C12orf54: variants seen among roughly 807,000 people sequenced by gnomAD.
C12orf54 encodes chromosome 12 open reading frame 54, also known as uncharacterized protein C12orf54.
In C12orf54, 24 loss-of-function variants were observed where a neutral mutation model predicts 26.4. That is an observed-to-expected ratio of 0.91 (90% CI 0.66 to 1.28). The LOEUF (loss-of-function observed/expected upper bound fraction) is 1.28. Among genes scored for constraint, C12orf54 ranks in the 50% most tolerant of loss-of-function variants. The pLI is 0.00. For missense variants in C12orf54, 154 were observed against 150.9 expected (o/e 1.02, Z -0.11); for synonymous variants, 54 against 47.0 (o/e 1.15, Z -0.61).
At chr12:48,448,446 T>A in the C12orf54 span, among the ~76,000 whole-genome samples, 1 of 152,242 alleles carries the variant, frequency 6.6e-6, no homozygotes, top group Non-Finnish European at 1.5e-5. Context: ...GTAAAAATAA[T>A]TCATTCATTT....
chr12:48,472,456 C>T, the C12orf54 span, among the ~76,000 whole-genome samples: 1 of 152,262 alleles, frequency 6.6e-6, no homozygotes, highest in East Asian at 1.9e-4. Flanking sequence ...AGGAAGTAGT[C>T]ATTATTCTAA....
Position 48,494,994 on chromosome 12 carries a change from C to A in C12orf54, c.*40+15C>A. 1.3e-6 allele frequency: 2 copies of A among 1,571,036 alleles called. No individual in the cohort carries two copies. Among genetic ancestry groups the A allele is most frequent in the Non-Finnish European group, 8.7e-7 (1 of 1,146,374 alleles). ...GCTTCCGCCAGGTGCTTTACCCAAG[C>A]AGCCTTTCCCCTGAGCTCCACCCTG... On this transcript the variant is annotated intron_variant, in intron 8 of 8. Coordinates refer to ENST00000548364, the MANE Select transcript of C12orf54 (RefSeq NM_152319.4).
the C12orf54 span, among the ~76,000 whole-genome samples, chr12:48,468,402 G>A: frequency 5.3e-5 from 8 of 152,150 alleles, no homozygotes; most frequent in Non-Finnish European, 1.0e-4. Flanking sequence ...GGACATGGAA[G>A]GACTGTGTGC....
At chr12:48,451,602 A>T in the C12orf54 span, among the ~76,000 whole-genome samples, 1 of 152,214 alleles carries the variant, frequency 6.6e-6, no homozygotes, top group Non-Finnish European at 1.5e-5. Context: ...CAATCATCTC[A>T]GCCCAAAAGC....
At chr12:48,437,723 C>T in the C12orf54 span, among the ~76,000 whole-genome samples, 1 of 152,140 alleles carries the variant, frequency 6.6e-6, no homozygotes, top group Non-Finnish European at 1.5e-5. Flanking sequence ...TAAAAACTCT[C>T]AATAAATTAG....
At chr12:48,442,984 T>C in the C12orf54 span, 1 of 152,296 alleles carries the variant, frequency 6.6e-6, no homozygotes. Context: ...GATAAATAAA[T>C]TGAGTGAAGC....
At position 48,486,733 on chromosome 12, in the gene C12orf54, A is replaced by T; in HGVS notation, c.135+7A>T. The T allele has an allele frequency of 6.2e-7, 1 of 1,611,860 alleles. No homozygotes were observed. Among genetic ancestry groups the T allele is most frequent in the Non-Finnish European group, 8.5e-7 (1 of 1,177,992 alleles). On this transcript the variant is annotated splice_region_variant and intron_variant, in intron 4 of 8. Transcript: ENST00000548364. The stretch of plus-strand genomic sequence containing the variant: ...TGAAACCCTGTGGGACCAGGTGAGT[A>T]CAGAGGAATCATTTTTGACAGCATG...
At chr12:48,484,947 G>T (rs1387530789) in intron 2 of C12orf54, among the ~76,000 whole-genome samples, 1 of 152,210 alleles carries the variant, frequency 6.6e-6, no homozygotes, top group Non-Finnish European at 1.5e-5. Flanking sequence ...GTTCTATGGA[G>T]AAATAGCACT....
the C12orf54 span, among the ~76,000 whole-genome samples, chr12:48,414,366 C>T: frequency 1.3e-5 from 2 of 152,194 alleles, no homozygotes; most frequent in African/African-American, 4.8e-5. Context: ...CGCAGTTCTC[C>T]GGAAAATCTG....
intron 4 of C12orf54, chr12:48,488,280 C>T (rs1263325607): frequency 6.9e-6 from 4 of 581,162 alleles, no homozygotes; most frequent in Non-Finnish European, 9.7e-6. Context: ...GGAGGATTAG[C>T]GATCTGGAAG....
upstream of C12orf54, among the ~76,000 whole-genome samples, chr12:48,481,867 G>T (rs924800546): frequency 5.9e-5 from 9 of 152,092 alleles, no homozygotes; most frequent in African/African-American, 2.2e-4. Context: ...TCCTCCAGGG[G>T]TCTAGTTTCA....
At chr12:48,421,416 C>T in the C12orf54 span, among the ~76,000 whole-genome samples, 1 of 151,770 alleles carries the variant, frequency 6.6e-6, no homozygotes, top group African/African-American at 2.4e-5. Context: ...GATCCAGTTA[C>T]CTCCCACTAG....
At chr12:48,465,957 G>C in the C12orf54 span, among the ~76,000 whole-genome samples, 1 of 152,004 alleles carries the variant, frequency 6.6e-6, no homozygotes, top group Non-Finnish European at 1.5e-5. Flanking sequence ...AGAACTAAAA[G>C]TAAAGCCTAA....
chr12:48,447,826 A>G, the C12orf54 span, among the ~76,000 whole-genome samples: 1 of 152,240 alleles, frequency 6.6e-6, no homozygotes, highest in African/African-American at 2.4e-5. Flanking sequence ...ATCTAATCTA[A>G]TCACATGAGT....
the C12orf54 span, among the ~76,000 whole-genome samples, chr12:48,439,998 G>A: frequency 0.14 from 21,505 of 152,210 alleles, 2,048 homozygotes; most frequent in Non-Finnish European, 0.22. Flanking sequence ...GCTGATGTGC[G>A]TGGATGGCCT....
chr12:48,476,464 A>C, the C12orf54 span, among the ~76,000 whole-genome samples: 4 of 152,200 alleles, frequency 2.6e-5, no homozygotes, highest in African/African-American at 4.8e-5. Context: ...TTGGATAAAG[A>C]GTCAAGACCC....
At chr12:48,468,173 T>C in the C12orf54 span, among the ~76,000 whole-genome samples, 1 of 152,132 alleles carries the variant, frequency 6.6e-6, no homozygotes, top group African/African-American at 2.4e-5. Context: ...CCAGTGGGGA[T>C]TTAAAAAATA....
the C12orf54 span, among the ~76,000 whole-genome samples, chr12:48,459,456 G>C: frequency 0.54 from 82,660 of 152,006 alleles, 24,343 homozygotes; most frequent in East Asian, 0.81. Flanking sequence ...AATGCTGAAG[G>C]ATGAAGGAGG....
chr12:48,447,774 T>C, the C12orf54 span, among the ~76,000 whole-genome samples: 1 of 152,186 alleles, frequency 6.6e-6, no homozygotes, highest in South Asian at 2.1e-4. Flanking sequence ...ATTAAAGTTA[T>C]AGACCTTAAA....
Sources: gnomAD v4.1 joint callset for allele counts (sites outside exome capture counted in the v4.1 genomes callset) on GRCh38, gnomAD v4.1.1 for gene constraint, MANE v1.5 for transcripts, NCBI Gene and HGNC (gene_info 2026-07-23, HGNC 2026-07-21) for gene names.